Variants in NELL1 observed in about 807,000 individuals in gnomAD.
NELL1 encodes protein kinase C-binding protein NELL1.
Under a neutral mutation model 107.4 loss-of-function variants are expected in NELL1, and 76 were observed. That is an observed-to-expected ratio of 0.71 (90% CI 0.59 to 0.86). NELL1 has a LOEUF of 0.86. Among genes scored for constraint, NELL1 ranks in the 40% least tolerant of loss-of-function variants. NELL1 has a pLI of 0.00. For missense variants in NELL1, 1,024 were observed against 1,005.5 expected (o/e 1.02, Z -0.25); for synonymous variants, 353 against 341.2 (o/e 1.03, Z -0.38).
chr11:20,700,203 G>A (rs1346242355), intron 2 of NELL1, among the ~76,000 whole-genome samples: 1 of 152,128 alleles, frequency 6.6e-6, no homozygotes, highest in African/African-American at 2.4e-5. Flanking sequence ...TCAATAGGCT[G>A]GGTGCAGTGT....
At chr11:21,514,114 G>A (rs935707248) in intron 15 of NELL1, among the ~76,000 whole-genome samples, 10 of 152,128 alleles carry the variant, frequency 6.6e-5, no homozygotes, top group South Asian at 2.1e-4. Flanking sequence ...AGTTAGCACA[G>A]AAAATGTTAC....
At chr11:20,833,346 G>A (rs749726547) in intron 3 of NELL1, among the ~76,000 whole-genome samples, 3 of 152,076 alleles carry the variant, frequency 2.0e-5, no homozygotes, top group Non-Finnish European at 4.4e-5. Context: ...TCCTTGATGA[G>A]TAACTTGTTT....
At chr11:21,272,435 C>A (rs1369128399) in intron 14 of NELL1, among the ~76,000 whole-genome samples, 2 of 152,220 alleles carry the variant, frequency 1.3e-5, no homozygotes, top group African/African-American at 4.8e-5. Flanking sequence ...CCCACCGCAG[C>A]TCAAGGAGGC....
chr11:21,017,422 T>A (rs1329148606), intron 12 of NELL1, among the ~76,000 whole-genome samples: 1 of 152,128 alleles, frequency 6.6e-6, no homozygotes, highest in Non-Finnish European at 1.5e-5. Flanking sequence ...TGGTGGCTGC[T>A]TCCCAGCTTT....
At chr11:21,389,318 A>C (rs1467575242) in intron 15 of NELL1, among the ~76,000 whole-genome samples, 1 of 151,806 alleles carries the variant, frequency 6.6e-6, no homozygotes, top group Non-Finnish European at 1.5e-5. Context: ...TAAGTTATTA[A>C]ATATCTGCAT....
chr11:21,105,160 T>C (rs1854918974), intron 12 of NELL1, among the ~76,000 whole-genome samples: 1 of 152,134 alleles, frequency 6.6e-6, no homozygotes, highest in African/African-American at 2.4e-5. Flanking sequence ...CCAAGGTTTG[T>C]TGCCTCATGC....
intron 14 of NELL1, among the ~76,000 whole-genome samples, chr11:21,325,624 T>G (rs2133675594): frequency 6.6e-6 from 1 of 152,248 alleles, no homozygotes; most frequent in South Asian, 2.1e-4. Flanking sequence ...TTTGCTCATT[T>G]AATTTTTTGA....
At chr11:21,555,113 A>G (rs946128307) in intron 16 of NELL1, among the ~76,000 whole-genome samples, 2 of 151,930 alleles carry the variant, frequency 1.3e-5, no homozygotes, top group Non-Finnish European at 2.9e-5. Context: ...AGCACTTAGC[A>G]GTGTATCTGG....
At chr11:21,402,625 A>G (rs1233571389) in intron 15 of NELL1, among the ~76,000 whole-genome samples, 3 of 150,306 alleles carry the variant, frequency 2.0e-5, no homozygotes, top group Admixed American at 6.7e-5. Flanking sequence ...AATGCTTGGT[A>G]GAAATCTAGA....
intron 14 of NELL1, among the ~76,000 whole-genome samples, chr11:21,244,495 A>G (rs1377676312): frequency 1.3e-5 from 2 of 152,164 alleles, no homozygotes; most frequent in East Asian, 3.9e-4. Context: ...CTCAATGTAG[A>G]CCAAGATAAT....
At chr11:21,114,272 A>G (rs1264428230) in intron 13 of NELL1, among the ~76,000 whole-genome samples, 1 of 151,938 alleles carries the variant, frequency 6.6e-6, no homozygotes, top group Non-Finnish European at 1.5e-5. Flanking sequence ...CGCTGGTTTT[A>G]TGGGGCATTT....
At chr11:21,449,418 C>A (rs1176731660) in intron 15 of NELL1, among the ~76,000 whole-genome samples, 1 of 151,524 alleles carries the variant, frequency 6.6e-6, no homozygotes, top group Non-Finnish European at 1.5e-5. Flanking sequence ...GAGTTGTTTT[C>A]TTTTTATTGA....
At chr11:20,865,704 G>A (rs973737271) in intron 4 of NELL1, among the ~76,000 whole-genome samples, 3 of 152,054 alleles carry the variant, frequency 2.0e-5, no homozygotes, top group Non-Finnish European at 4.4e-5. Flanking sequence ...GGTTCTTTTT[G>A]GCTTCCTTGC....
intron 15 of NELL1, among the ~76,000 whole-genome samples, chr11:21,500,944 C>T (rs1202814434): frequency 4.6e-5 from 7 of 152,086 alleles, no homozygotes; most frequent in Admixed American, 1.3e-4. Context: ...TTCCCCTATG[C>T]TGTGTTCTGA....
intron 12 of NELL1, among the ~76,000 whole-genome samples, chr11:21,030,052 T>C (rs1852915522): frequency 6.6e-6 from 1 of 152,156 alleles, no homozygotes; most frequent in South Asian, 2.1e-4. Context: ...CACGATATAT[T>C]AGATGATAGA....
At chr11:20,781,177 G>A (rs1856842841) in intron 2 of NELL1, among the ~76,000 whole-genome samples, 1 of 152,122 alleles carries the variant, frequency 6.6e-6, no homozygotes, top group South Asian at 2.1e-4. Context: ...TTCCAGACAT[G>A]GGAGCCCACT....
At chr11:20,780,511 A>C (rs1170461970) in intron 2 of NELL1, among the ~76,000 whole-genome samples, 1 of 152,254 alleles carries the variant, frequency 6.6e-6, no homozygotes, top group Non-Finnish European at 1.5e-5. Flanking sequence ...GGATAAAACA[A>C]TGGATAAATA....
chr11:21,451,334 G>A (rs1040534328), intron 15 of NELL1, among the ~76,000 whole-genome samples: 1 of 152,146 alleles, frequency 6.6e-6, no homozygotes, highest in East Asian at 1.9e-4. Flanking sequence ...ACATAGCAGG[G>A]CTGATGTGTT....
chr11:20,692,475 G>T (rs1265598260), intron 2 of NELL1, among the ~76,000 whole-genome samples: 2 of 151,252 alleles, frequency 1.3e-5, no homozygotes, highest in Non-Finnish European at 2.9e-5. Context: ...CAGAGATTCT[G>T]GTATGTTGTG....
Sources: gnomAD v4.1 joint callset for allele counts (sites outside exome capture counted in the v4.1 genomes callset) on GRCh38, gnomAD v4.1.1 for gene constraint, MANE v1.5 for transcripts, NCBI Gene and HGNC (gene_info 2026-07-23, HGNC 2026-07-21) for gene names.